Variants in LDB2 observed in about 807,000 individuals in gnomAD.
The protein encoded by LDB2 is LIM domain binding 2.
LDB2 carries 12 observed loss-of-function variants against 44.3 expected under a neutral mutation model. The observed-to-expected ratio is 0.27, with a 90% CI of 0.17 to 0.44. The LOEUF (loss-of-function observed/expected upper bound fraction) is 0.44. LDB2 is among the 20% of genes least tolerant of loss of function. LDB2 has a pLI of 1.00. For synonymous variants in LDB2, 164 were observed against 174.8 expected (o/e 0.94, Z 0.49); for missense variants, 344 against 473.5 (o/e 0.73, Z 2.54).
rs1163773817 is a variant in LDB2, at chr4:16,868,099, G to A, written c.132+30255C>T. Among the ~76,000 whole-genome samples the A allele has an allele frequency of 3.9e-5, 6 of 152,100 alleles. No homozygotes were observed. In the South Asian group the frequency reaches 1.2e-3, roughly 32 times the overall value. On this transcript the variant is annotated intron_variant, in intron 1 of 7. Coordinates refer to ENST00000304523, the MANE Select transcript of LDB2 (RefSeq NM_001290.5). ...AATCACATTAGACTCGTTTATCTTA[G>A]TGATTTAAGTGGACCTTAATAGATT...
chr4:16,851,627 A>G (rs1159867948), intron 1 of LDB2, among the ~76,000 whole-genome samples: 1 of 152,058 alleles, frequency 6.6e-6, no homozygotes, highest in East Asian at 1.9e-4. Flanking sequence ...AAAAAAGAAA[A>G]TTCCAGTAGG....
At position 16,502,783 on chromosome 4, in the gene LDB2, A is replaced by G; in HGVS notation, c.982T>C (p.Tyr328His). 1 of 1,613,926 alleles carries G rather than the reference A, an allele frequency of 6.2e-7. No individual in the cohort carries two copies. The highest frequency in any genetic ancestry group is 8.5e-7 in the Non-Finnish European group (1 of 1,179,976). The change falls in exon 8 of 8, where the codon TAT becomes CAT. Residue 328 changes from tyrosine to histidine, a missense_variant. Tyr to His is a moderately conservative substitution (Grantham distance 83). This residue lies in a region of LDB2 where 86 missense variants were observed against 171.2 expected (regional missense o/e 0.50). Coordinates refer to ENST00000304523, the MANE Select transcript of LDB2 (RefSeq NM_001290.5). ...RLITRLENTQ[Y>H]DAANGMDDEE... is the part of the protein sequence containing the mutation. ...TCGTCCATGCCGTTGGCCGCATCAT[A>G]TTGCGTGTTTTCTAATCTAGTGATT...
At chr4:16,842,071 T>A (rs1023441707) in intron 1 of LDB2, among the ~76,000 whole-genome samples, 1 of 152,194 alleles carries the variant, frequency 6.6e-6, no homozygotes, top group African/African-American at 2.4e-5. Flanking sequence ...GTGAGCACAT[T>A]TTAAAGTTAT....
chr4:16,768,606 A>G (rs988936259), intron 1 of LDB2, among the ~76,000 whole-genome samples: 2 of 152,130 alleles, frequency 1.3e-5, no homozygotes, highest in African/African-American at 4.8e-5. Context: ...AGTCCCTCTC[A>G]CACTGTAGGA....
intron 2 of LDB2, among the ~76,000 whole-genome samples, chr4:16,697,251 C>T (rs1482795424): frequency 2.6e-5 from 3 of 115,928 alleles, no homozygotes; most frequent in East Asian, 2.7e-4. Flanking sequence ...GGTGAAACCC[C>T]GTCTCTACTA....
At chr4:16,635,878 T>C (rs1733455968) in intron 2 of LDB2, among the ~76,000 whole-genome samples, 2 of 152,134 alleles carry the variant, frequency 1.3e-5, no homozygotes, top group Admixed American at 6.5e-5. Context: ...GTCTATAGTA[T>C]AGGTGAAATG....
intron 2 of LDB2, among the ~76,000 whole-genome samples, chr4:16,733,688 C>T (rs1761242591): frequency 1.3e-5 from 2 of 152,196 alleles, no homozygotes; most frequent in African/African-American, 4.8e-5. Context: ...TGCTCCCTTT[C>T]CAGCAATCCC....
intron 2 of LDB2, among the ~76,000 whole-genome samples, chr4:16,672,670 A>G (rs1745109632): frequency 6.6e-6 from 1 of 152,174 alleles, no homozygotes; most frequent in African/African-American, 2.4e-5. Flanking sequence ...GCAGGCCAAC[A>G]TCAATGGAAA....
In LDB2 at chr4:16,516,998, TCAGATAAGAGCCTGTCTTCTTTGG is replaced by T. The variant is rs1407768873; in HGVS notation, c.616-4918_616-4895del. ...CTGTGCTGTAGGTGGCAGAACTAAC[TCAGATAAGAGCCTGTCTTCTTTGG>T]CAGTAAGCCAGTGCATCTTGGCAAC... On this transcript the variant is annotated intron_variant, in intron 5 of 7. Coordinates refer to ENST00000304523, the MANE Select transcript of LDB2 (RefSeq NM_001290.5). Among the ~76,000 whole-genome samples, 5 of 152,260 alleles carry T rather than the reference TCAGATAAGAGCCTGTCTTCTTTGG, an allele frequency of 3.3e-5. No homozygotes were observed. The East Asian group carries it at 9.7e-4, about 29-fold the overall frequency.
At chr4:16,509,437 A>G (rs914422538) in intron 6 of LDB2, among the ~76,000 whole-genome samples, 2 of 152,224 alleles carry the variant, frequency 1.3e-5, no homozygotes, top group Non-Finnish European at 2.9e-5. Flanking sequence ...ACAGAGAAAA[A>G]TATTTTGGAC....
intron 2 of LDB2, among the ~76,000 whole-genome samples, chr4:16,672,957 C>T (rs566416420): frequency 1.1e-4 from 16 of 150,152 alleles, no homozygotes; most frequent in Middle Eastern, 3.4e-3. Context: ...CTCTCTTTTT[C>T]CTTTCTCCCT....
At chr4:16,525,252 C>T (rs1727784189) in intron 5 of LDB2, among the ~76,000 whole-genome samples, 1 of 152,142 alleles carries the variant, frequency 6.6e-6, no homozygotes, top group Non-Finnish European at 1.5e-5. Context: ...GGGATGTGGT[C>T]TTCTCTCTCT....
At chr4:16,611,744 G>A (rs1468626729) in intron 2 of LDB2, among the ~76,000 whole-genome samples, 2 of 152,096 alleles carry the variant, frequency 1.3e-5, no homozygotes, top group African/African-American at 4.8e-5. Flanking sequence ...ATGAGACTTA[G>A]GCTCCCACAC....
chr4:16,815,890 G>A (rs954856936), intron 1 of LDB2, among the ~76,000 whole-genome samples: 2 of 152,210 alleles, frequency 1.3e-5, no homozygotes, highest in African/African-American at 4.8e-5. Context: ...CAAATGAAGA[G>A]TTCTAATATA....
At chr4:16,617,387 A>G (rs1249649953) in intron 2 of LDB2, among the ~76,000 whole-genome samples, 1 of 152,242 alleles carries the variant, frequency 6.6e-6, no homozygotes, top group African/African-American at 2.4e-5. Flanking sequence ...AACTCGAGGC[A>G]GACAATCCAA....
At chr4:16,831,975 G>GTTTGT (rs1784143352) in intron 1 of LDB2, among the ~76,000 whole-genome samples, 1 of 152,152 alleles carries the variant, frequency 6.6e-6, no homozygotes, top group Non-Finnish European at 1.5e-5. Flanking sequence ...AATCAGGAAA[G>GTTTGT]ATGCCTTTGT....
chr4:16,537,498 G>T (rs1392883535), intron 5 of LDB2, among the ~76,000 whole-genome samples: 1 of 152,192 alleles, frequency 6.6e-6, no homozygotes, highest in East Asian at 1.9e-4. Flanking sequence ...CTTTACAGAG[G>T]AGACCTTTGT....
At position 16,898,638 on chromosome 4, in the gene LDB2, T is replaced by TCCGACAGCAGTTCCCAGCCA; in HGVS notation, c.-154_-153insTGGCTGGGAACTGCTGTCGG. 1 of 401,440 alleles carries TCCGACAGCAGTTCCCAGCCA rather than the reference T, an allele frequency of 2.5e-6. No homozygotes were observed. Among genetic ancestry groups the TCCGACAGCAGTTCCCAGCCA allele is most frequent in the Non-Finnish European group, 4.1e-6 (1 of 241,622 alleles). 24.9% of individuals were successfully genotyped at this position (401,440 alleles called of 1,614,324 possible). On this transcript the variant is annotated 5_prime_UTR_variant, in exon 1 of 8. Transcript: ENST00000304523. ...AGGCAGGCAGGCTGAACACGCTGGC[T>TCCGACAGCAGTTCCCAGCCA]GGGAACTGCTGTCGGAGCCCTCTAT...
At chr4:16,690,384 C>T (rs761262122) in intron 2 of LDB2, among the ~76,000 whole-genome samples, 1 of 150,266 alleles carries the variant, frequency 6.7e-6, no homozygotes, top group East Asian at 2.0e-4. Flanking sequence ...ATCACCTGAG[C>T]CCAGGAGGTT....
Sources: gnomAD v4.1 joint callset for allele counts (sites outside exome capture counted in the v4.1 genomes callset) on GRCh38, gnomAD v4.1.1 for gene constraint, gnomAD v4.1.1 regional missense constraint, MANE v1.5 for transcripts, NCBI Gene and HGNC (gene_info 2026-07-23, HGNC 2026-07-21) for gene names.